ST3GAL2: variants seen among roughly 807,000 people sequenced by gnomAD.
ST3GAL2 encodes ST3 beta-galactoside alpha-2,3-sialyltransferase 2.
In ST3GAL2, 16 loss-of-function variants were observed where a neutral mutation model predicts 37.5. The ratio of observed to expected loss-of-function variants is 0.43; its 90% CI spans 0.29 to 0.65. The LOEUF (loss-of-function observed/expected upper bound fraction) is 0.65, where lower values mean the gene tolerates loss of function less well. Among genes scored for constraint, ST3GAL2 ranks in the 30% least tolerant of loss-of-function variants. The pLI is 0.17. For synonymous variants in ST3GAL2, 238 were observed against 202.9 expected (o/e 1.17, Z -1.47); for missense variants, 383 against 487.8 (o/e 0.79, Z 2.02).
chr16:70,388,668 T>A lies in ST3GAL2; in HGVS notation c.534-122A>T, dbSNP rs1567666437. 4.7e-6 allele frequency: 5 copies of A among 1,064,594 alleles called. No individual in the cohort carries two copies. The East Asian group carries it at 8.0e-5, about 17-fold the overall frequency. The allele number at this position is 1,064,594 out of a possible 1,614,324, so 65.9% of individuals were successfully genotyped here. ...CGGGTGTATACTCCAACCTAGCAAT[T>A]CCATTGCTAGAAATCTGCCCTATAA... On this transcript the variant is annotated intron_variant, in intron 3 of 6. Coordinates refer to ENST00000342907, the MANE Select transcript of ST3GAL2 (RefSeq NM_006927.4).
At chr16:70,429,638 C>CA (rs1332884024) in intron 1 of ST3GAL2, among the ~76,000 whole-genome samples, 1 of 90,004 alleles carries the variant, frequency 1.1e-5, no homozygotes, top group Non-Finnish European at 2.2e-5. Flanking sequence ...GCTTTAAATT[C>CA]TTTTTTTTTT....
Position 70,382,858 on chromosome 16 carries a change from A to G in ST3GAL2, c.826T>C (p.Tyr276His). ...AGCACCAGCATCCCCGTGGAAGGGT[A>G]CCGCCCGTGATGCTCTGTCCACCTG... ...HDRWTEHHGR[Y>H]PSTGMLVLFF... Residue 276 changes from tyrosine (Y) to histidine (H), a missense_variant, in exon 6 of 7, where the codon TAC (tyrosine) becomes CAC (histidine). By Grantham distance (83) the Tyr-to-His change is moderately conservative. Coordinates refer to ENST00000342907, the MANE Select transcript of ST3GAL2 (RefSeq NM_006927.4). 1 of 1,614,132 alleles carries G rather than the reference A, an allele frequency of 6.2e-7. No homozygotes were observed.
intron 3 of ST3GAL2, among the ~76,000 whole-genome samples, chr16:70,392,263 A>G (rs1442278913): frequency 2.6e-5 from 4 of 152,234 alleles, no homozygotes; most frequent in Admixed American, 2.6e-4. Context: ...GCACTCTAAC[A>G]GGGACAAGGT....
intron 1 of ST3GAL2, among the ~76,000 whole-genome samples, chr16:70,405,162 A>T (rs1310708186): frequency 6.6e-6 from 1 of 152,236 alleles, no homozygotes; most frequent in Non-Finnish European, 1.5e-5. Context: ...TATCCATACA[A>T]GGGAGTATTA....
intron 1 of ST3GAL2, among the ~76,000 whole-genome samples, chr16:70,425,699 G>A (rs913994196): frequency 1.3e-5 from 2 of 151,984 alleles, no homozygotes; most frequent in African/African-American, 4.8e-5. Flanking sequence ...GCCTGGGTGG[G>A]TAACAAGAGC....
chr16:70,419,347 G>A (rs1272799649), intron 1 of ST3GAL2, among the ~76,000 whole-genome samples: 1 of 152,226 alleles, frequency 6.6e-6, no homozygotes, highest in Non-Finnish European at 1.5e-5. Context: ...TTAGGGATGT[G>A]AGAATAGGGG....
At chr16:70,383,796 T>C (rs1174886564) in intron 4 of ST3GAL2, among the ~76,000 whole-genome samples, 1 of 151,686 alleles carries the variant, frequency 6.6e-6, no homozygotes, top group Non-Finnish European at 1.5e-5. Context: ...GGCTTGTTCA[T>C]CATTGCCATG....
At chr16:70,431,690 G>A (rs1303090125) in intron 1 of ST3GAL2, among the ~76,000 whole-genome samples, 1 of 151,240 alleles carries the variant, frequency 6.6e-6, no homozygotes, top group African/African-American at 2.4e-5. Context: ...TTGGCCAGGT[G>A]CAGTGGCTCA....
chr16:70,381,981 C>G, intron 6 of ST3GAL2, 119 bp from the exon 7 acceptor site: 2 of 1,319,376 alleles, frequency 1.5e-6, no homozygotes, highest in South Asian at 1.3e-5. Flanking sequence ...CAGGAGCCCC[C>G]AGGCCTGGCC....
intron 1 of ST3GAL2, among the ~76,000 whole-genome samples, chr16:70,403,602 G>A (rs1054532686): frequency 1.5e-4 from 23 of 152,066 alleles, no homozygotes; most frequent in Non-Finnish European, 2.8e-4. Context: ...TCATGAGGTC[G>A]GGAGATTGAG....
intron 5 of ST3GAL2, 43 bp downstream of exon 5, chr16:70,383,147 C>G: frequency 6.2e-7 from 1 of 1,610,740 alleles, no homozygotes; most frequent in Non-Finnish European, 8.5e-7. Context: ...CAGGCTGGGC[C>G]AGCACTGTTT....
At chr16:70,421,219 G>A (rs932887347) in intron 1 of ST3GAL2, among the ~76,000 whole-genome samples, 1 of 152,242 alleles carries the variant, frequency 6.6e-6, no homozygotes, top group Non-Finnish European at 1.5e-5. Flanking sequence ...ATGACATGCT[G>A]TGACCTACTC....
intron 1 of ST3GAL2, among the ~76,000 whole-genome samples, chr16:70,407,406 G>A (rs1355808876): frequency 2.6e-5 from 4 of 152,210 alleles, no homozygotes; most frequent in Non-Finnish European, 4.4e-5. Flanking sequence ...CTCCCCAGGT[G>A]CTGGAATTAC....
chr16:70,393,586 GA>G (rs759833464), intron 3 of ST3GAL2: 8 of 152,340 alleles, frequency 5.3e-5, no homozygotes, highest in Non-Finnish European at 1.0e-4. Flanking sequence ...GCATGGAAGT[GA>G]CAGATGCCTC....
chr16:70,399,211 C>T lies in ST3GAL2; in HGVS notation c.-681G>A. On this transcript the variant is annotated 5_prime_UTR_variant, in exon 2 of 7. The change abolishes an upstream ATG in the 5' untranslated region. Transcript: ENST00000342907. ...CAGTAGGTCTTGCCCTTCTGCTTCCCATCTGAGGTGCTGGTCCCTTCTCCT... is the reference window on the plus strand; with the variant it reads ...CAGTAGGTCTTGCCCTTCTGCTTCCTATCTGAGGTGCTGGTCCCTTCTCCT... The T allele has an allele frequency of 2.5e-6, 1 of 398,828 alleles. No individual in the cohort carries two copies. The highest frequency in any genetic ancestry group is 4.4e-6 in the Non-Finnish European group (1 of 226,228). 24.7% of individuals were successfully genotyped at this position (398,828 alleles called of 1,614,324 possible). A position where few individuals can be genotyped will look rare whatever the true frequency, so the allele number is the denominator to read the frequency against.
intron 1 of ST3GAL2, among the ~76,000 whole-genome samples, chr16:70,409,118 C>T (rs775152557): frequency 4.0e-5 from 6 of 151,854 alleles, no homozygotes; most frequent in Non-Finnish European, 7.4e-5. Flanking sequence ...TACCTATCTA[C>T]ACTAAGGCAT....
intron 3 of ST3GAL2, among the ~76,000 whole-genome samples, chr16:70,390,730 A>G (rs1047316744): frequency 2.6e-5 from 4 of 152,352 alleles, no homozygotes; most frequent in East Asian, 1.9e-4. Context: ...CTCTGTGGCT[A>G]TAATAAGCCA....
chr16:70,421,550 T>G (rs570599600), intron 1 of ST3GAL2, among the ~76,000 whole-genome samples: 1 of 152,212 alleles, frequency 6.6e-6, no homozygotes, highest in Non-Finnish European at 1.5e-5. Context: ...CTTGGTCCAT[T>G]ACAGTGGACC....
At chr16:70,432,513 A>G (rs1397446187) in intron 1 of ST3GAL2, among the ~76,000 whole-genome samples, 1 of 152,168 alleles carries the variant, frequency 6.6e-6, no homozygotes, top group Non-Finnish European at 1.5e-5. Flanking sequence ...GAAGCCTGAC[A>G]ATATGTTGTA....
Sources: allele counts gnomAD v4.1 joint callset (sites outside exome capture counted in the v4.1 genomes callset), GRCh38; gene constraint gnomAD v4.1.1; transcripts MANE v1.5; gene names NCBI Gene and HGNC (gene_info 2026-07-23, HGNC 2026-07-21).